Variants in POU6F2 observed in about 807,000 individuals in gnomAD.
The protein encoded by POU6F2 is POU domain, class 6, transcription factor 2.
In POU6F2, 31 loss-of-function variants were observed where a neutral mutation model predicts 71.3. That is an observed-to-expected ratio of 0.43 (90% CI 0.33 to 0.59). POU6F2 has a LOEUF of 0.59. POU6F2 is among the 20% of genes least tolerant of loss of function. The probability of loss-of-function intolerance (pLI) is 0.04; values close to 1 mark genes in which losing one functional copy is unlikely to be tolerated. For synonymous variants in POU6F2, 347 were observed against 355.7 expected (o/e 0.98, Z 0.27); for missense variants, 783 against 856.8 (o/e 0.91, Z 1.07).
At chr7:39,061,334 C>A (rs1406407045) in intron 1 of POU6F2, among the ~76,000 whole-genome samples, 3 of 152,010 alleles carry the variant, frequency 2.0e-5, no homozygotes, top group Non-Finnish European at 4.4e-5. Flanking sequence ...ATTTTGATAG[C>A]CTCTTAGGAT....
At chr7:39,046,982 C>T (rs972538882) in intron 1 of POU6F2, among the ~76,000 whole-genome samples, 2 of 151,868 alleles carry the variant, frequency 1.3e-5, no homozygotes, top group Non-Finnish European at 2.9e-5. Flanking sequence ...AAATTGTCTC[C>T]ACATTTTTGT....
intron 2 of POU6F2, among the ~76,000 whole-genome samples, chr7:39,110,693 T>C (rs891226695): frequency 3.3e-5 from 5 of 152,222 alleles, no homozygotes; most frequent in African/African-American, 1.2e-4. Flanking sequence ...TAGAAAATAC[T>C]TTTACAGTAA....
At chr7:38,988,673 C>A (rs372181732) in intron 1 of POU6F2, among the ~76,000 whole-genome samples, 29 of 152,188 alleles carry the variant, frequency 1.9e-4, no homozygotes, top group African/African-American at 6.5e-4. Flanking sequence ...TTAATCCTCA[C>A]GCCAGGTCTG....
chr7:39,359,809 T>C (rs892265480), intron 5 of POU6F2, among the ~76,000 whole-genome samples: 3 of 152,280 alleles, frequency 2.0e-5, no homozygotes, highest in African/African-American at 7.2e-5. Context: ...AAATTAAAGG[T>C]TATTGCATGC....
At chr7:39,068,212 A>G (rs1300274048) in intron 1 of POU6F2, among the ~76,000 whole-genome samples, 2 of 152,168 alleles carry the variant, frequency 1.3e-5, no homozygotes, top group Non-Finnish European at 2.9e-5. Context: ...ACTAAAAAAC[A>G]CACACAAAAT....
chr7:39,418,920 T>C (rs1214626489), intron 6 of POU6F2, among the ~76,000 whole-genome samples: 3 of 145,946 alleles, frequency 2.1e-5, no homozygotes, highest in South Asian at 2.1e-4. Flanking sequence ...TATATATATA[T>C]GTATATATGT....
At chr7:39,123,348 G>A (rs1305822615) in intron 2 of POU6F2, among the ~76,000 whole-genome samples, 1 of 152,180 alleles carries the variant, frequency 6.6e-6, no homozygotes, top group African/African-American at 2.4e-5. Context: ...CTTCAGAGAA[G>A]TAGGACAATC....
chr7:39,211,169 C>T (rs1794136163), intron 4 of POU6F2, among the ~76,000 whole-genome samples: 1 of 152,150 alleles, frequency 6.6e-6, no homozygotes, highest in African/African-American at 2.4e-5. Flanking sequence ...ATACCATCAC[C>T]TTGGGGGTTA....
At chr7:39,155,811 T>A (rs186324062) in intron 2 of POU6F2, among the ~76,000 whole-genome samples, 1 of 152,202 alleles carries the variant, frequency 6.6e-6, no homozygotes, top group Non-Finnish European at 1.5e-5. Context: ...TTATCTGTTA[T>A]TTTAGCATGA....
chr7:39,087,043 G>A (rs1791261635), intron 2 of POU6F2, among the ~76,000 whole-genome samples: 3 of 137,012 alleles, frequency 2.2e-5, no homozygotes, highest in Non-Finnish European at 3.1e-5. Flanking sequence ...TCTCAGGTAA[G>A]AAACAGTCAA....
At chr7:39,456,855 G>C (rs117012875) in intron 8 of POU6F2, among the ~76,000 whole-genome samples, 1 of 152,176 alleles carries the variant, frequency 6.6e-6, no homozygotes, top group African/African-American at 2.4e-5. Flanking sequence ...GAAAATACAA[G>C]AGTGGAAACT....
chr7:39,212,070 C>T (rs1414149753), intron 4 of POU6F2, among the ~76,000 whole-genome samples: 1 of 152,204 alleles, frequency 6.6e-6, no homozygotes, highest in Non-Finnish European at 1.5e-5. Flanking sequence ...GAGGCTGAGC[C>T]TTTTAATTTA....
At chr7:39,344,277 G>A (rs898227960) in intron 5 of POU6F2, among the ~76,000 whole-genome samples, 6 of 152,118 alleles carry the variant, frequency 3.9e-5, no homozygotes, top group Admixed American at 3.9e-4. Context: ...TGAGGGGCAC[G>A]GTCACCTCCT....
chr7:39,384,021 G>C (rs1232631772), intron 5 of POU6F2, among the ~76,000 whole-genome samples: 14 of 152,198 alleles, frequency 9.2e-5, no homozygotes, highest in African/African-American at 3.4e-4. Context: ...CCAGATAGGG[G>C]TCTCAAAATA....
At chr7:39,421,880 G>A (rs1383866696) in intron 6 of POU6F2, among the ~76,000 whole-genome samples, 1 of 152,134 alleles carries the variant, frequency 6.6e-6, no homozygotes, top group Admixed American at 6.5e-5. Context: ...ATCTGATTTA[G>A]TCACTTAATC....
chr7:39,164,545 T>C (rs1480043345), intron 2 of POU6F2, among the ~76,000 whole-genome samples: 1 of 151,428 alleles, frequency 6.6e-6, no homozygotes, highest in Non-Finnish European at 1.5e-5. Context: ...CTGGGTGTGC[T>C]AAGTCACAAT....
At chr7:39,411,459 C>G (rs1295449017) in intron 6 of POU6F2, among the ~76,000 whole-genome samples, 2 of 152,188 alleles carry the variant, frequency 1.3e-5, no homozygotes, top group Non-Finnish European at 2.9e-5. Flanking sequence ...GAAATTAAGT[C>G]CTAGACCACT....
intron 6 of POU6F2, among the ~76,000 whole-genome samples, chr7:39,428,333 A>G (rs1290849040): frequency 1.3e-5 from 2 of 152,234 alleles, no homozygotes; most frequent in Non-Finnish European, 2.9e-5. Context: ...CAACCAAGTA[A>G]GTCCTGTTTC....
chr7:39,105,872 A>G (rs1468950291), intron 2 of POU6F2, among the ~76,000 whole-genome samples: 1 of 152,200 alleles, frequency 6.6e-6, no homozygotes, highest in Non-Finnish European at 1.5e-5. Flanking sequence ...CAGGGGATAC[A>G]TGGAAAGCCA....
Sources: gnomAD v4.1 joint callset for allele counts (sites outside exome capture counted in the v4.1 genomes callset) on GRCh38, gnomAD v4.1.1 for gene constraint, MANE v1.5 for transcripts, NCBI Gene and HGNC (gene_info 2026-07-23, HGNC 2026-07-21) for gene names.